CERS6: variants seen among roughly 807,000 people sequenced by gnomAD.
The protein encoded by CERS6 is ceramide synthase 6.
In CERS6, 26 loss-of-function variants were observed where a neutral mutation model predicts 56.8. That is an observed-to-expected ratio of 0.46 (90% CI 0.34 to 0.63). CERS6 has a LOEUF of 0.63. CERS6 is among the 30% of genes least tolerant of loss of function. The pLI, the probability that CERS6 is intolerant of heterozygous loss-of-function variation, is 0.01. For synonymous variants in CERS6, 164 were observed against 173.3 expected, an observed-to-expected ratio of 0.95 and a Z score of 0.42; for missense variants, 415 against 467.5, an observed-to-expected ratio of 0.89 and a Z score of 1.04.
chr2:168,561,456 A>C, intron 3 of CERS6, 134 bp downstream of exon 3: 2 of 867,524 alleles, frequency 2.3e-6, no homozygotes, highest in Admixed American at 5.6e-5. Flanking sequence ...AGTTCAGGAA[A>C]AACACAGGAA....
At position 168,772,244 on chromosome 2, in the gene CERS6, A is replaced by T. The variant is rs1684882306; in HGVS notation, c.*2582A>T. 1 of 152,430 alleles carries T rather than the reference A, an allele frequency of 6.6e-6. No individual in the cohort carries two copies. The allele number at this position is 152,430 out of a possible 1,614,324, so 9.4% of individuals were successfully genotyped here. On this transcript the variant is annotated 3_prime_UTR_variant, in exon 10 of 10. Transcript: ENST00000305747. ...TTGATATCTCCTCCTTCCTGGTCAC[A>T]TTCAAACCTTCCCAGAGTACAAAGG...
intron 7 of CERS6, 147 bp from the exon 8 acceptor site, chr2:168,717,725 A>G: frequency 3.5e-6 from 2 of 579,424 alleles, no homozygotes; most frequent in Non-Finnish European, 6.0e-6. Context: ...GATGTATGAC[A>G]TTTCAATCGC....
intron 8 of CERS6, among the ~76,000 whole-genome samples, chr2:168,752,279 ATGTGTGTGTGTGTGTGTGTGTGTG>A (rs397870530): frequency 7.5e-6 from 1 of 132,514 alleles, no homozygotes; most frequent in Non-Finnish European, 1.6e-5. Flanking sequence ...AAAAAAATAA[ATGTGTGTGTGTGTGTGTGTGTGTG>A]TGTGTGTGTG....
chr2:168,735,492 G>A (rs1683684687), intron 8 of CERS6, among the ~76,000 whole-genome samples: 1 of 152,046 alleles, frequency 6.6e-6, no homozygotes, highest in Admixed American at 6.6e-5. Context: ...ACCGTTTCAG[G>A]GCTCTATGAG....
intron 1 of CERS6, among the ~76,000 whole-genome samples, chr2:168,500,464 A>G (rs140196705): frequency 6.6e-6 from 1 of 152,324 alleles, no homozygotes; most frequent in Non-Finnish European, 1.5e-5. Flanking sequence ...GCAGATGTTT[A>G]TTGTGAATGG....
intron 2 of CERS6, among the ~76,000 whole-genome samples, chr2:168,557,006 A>G (rs1695693404): frequency 6.7e-6 from 1 of 148,784 alleles, no homozygotes; most frequent in Admixed American, 6.7e-5. Flanking sequence ...AAAAAAAAAA[A>G]AAAAAAAAAA....
chr2:168,672,394 A>G (rs1420637995), intron 4 of CERS6, among the ~76,000 whole-genome samples: 2 of 152,246 alleles, frequency 1.3e-5, no homozygotes, highest in African/African-American at 4.8e-5. Context: ...CCTAACTACA[A>G]GAATGTAAAC....
chr2:168,664,064 G>T (rs758949170), intron 4 of CERS6, among the ~76,000 whole-genome samples: 1 of 152,144 alleles, frequency 6.6e-6, no homozygotes, highest in Non-Finnish European at 1.5e-5. Context: ...ATTGTGTTTC[G>T]CCCTTCTGAA....
In CERS6 at chr2:168,770,863, G is replaced by A. The variant is rs1684845291; in HGVS notation, c.*1201G>A. ...CACTACAATGCTTCTTTGGTTTCCA[G>A]GAATTTTTTTCAAATGGGGCTGTTT... On this transcript the variant is annotated 3_prime_UTR_variant, in exon 10 of 10. Transcript: ENST00000305747. 2 of 152,082 alleles carry A rather than the reference G, an allele frequency of 1.3e-5. No homozygotes were observed. Among genetic ancestry groups the A allele is most frequent in the South Asian group, 2.1e-4 (1 of 4,830 alleles). 9.4% of individuals were successfully genotyped at this position (152,082 alleles called of 1,614,324 possible).
At chr2:168,627,318 A>G (rs1329607538) in intron 3 of CERS6, among the ~76,000 whole-genome samples, 1 of 152,212 alleles carries the variant, frequency 6.6e-6, no homozygotes, top group African/African-American at 2.4e-5. Flanking sequence ...CTAGAATTAT[A>G]CTTTTTGAAA....
intron 4 of CERS6, among the ~76,000 whole-genome samples, chr2:168,644,937 CA>C (rs1244802616): frequency 1.3e-5 from 2 of 149,884 alleles, no homozygotes; most frequent in Admixed American, 6.7e-5. Flanking sequence ...ATTAAAAATA[CA>C]AAAATTAGGC....
chr2:168,735,117 AGG>A (rs1268496869), intron 8 of CERS6, among the ~76,000 whole-genome samples: 1 of 152,214 alleles, frequency 6.6e-6, no homozygotes, highest in African/African-American at 2.4e-5. Context: ...TGTGTTCTTT[AGG>A]TTTGCAAGAC....
Position 168,456,377 on chromosome 2 carries a change from T to A in CERS6, c.-72T>A. On this transcript the variant is annotated 5_prime_UTR_variant, in exon 1 of 10. Transcript: ENST00000305747. The surrounding 1 kb of genome is among the most constrained non-coding windows in gnomAD (Gnocchi z 4.1). ...AGGCTCGGGGCCAGCCGGGCGCGCA[T>A]CCCCGGGCGCCCTGCGCGGTGGAGA... The A allele has an allele frequency of 7.9e-7, 1 of 1,264,930 alleles. No individual in the cohort carries two copies. Among genetic ancestry groups the A allele is most frequent in the Non-Finnish European group, 1.0e-6 (1 of 957,248 alleles). 78.4% of individuals were successfully genotyped at this position (1,264,930 alleles called of 1,614,324 possible).
intron 8 of CERS6, among the ~76,000 whole-genome samples, chr2:168,754,395 A>G (rs565194691): frequency 6.6e-6 from 1 of 152,328 alleles, no homozygotes; most frequent in Admixed American, 6.5e-5. Context: ...CAGATCACAG[A>G]TGAACCTATT....
intron 3 of CERS6, among the ~76,000 whole-genome samples, chr2:168,577,524 A>G (rs1683302949): frequency 6.6e-6 from 1 of 152,164 alleles, no homozygotes; most frequent in Admixed American, 6.5e-5. Flanking sequence ...GCTTGTTTGT[A>G]TACTGATGGG....
At chr2:168,746,044 C>T (rs1314130689) in intron 8 of CERS6, among the ~76,000 whole-genome samples, 1 of 152,168 alleles carries the variant, frequency 6.6e-6, no homozygotes, top group African/African-American at 2.4e-5. Flanking sequence ...CAGGAATCCC[C>T]AGATTCACGT....
At chr2:168,729,475 T>C (rs1410387953) in intron 8 of CERS6, among the ~76,000 whole-genome samples, 1 of 152,202 alleles carries the variant, frequency 6.6e-6, no homozygotes, top group Non-Finnish European at 1.5e-5. Context: ...TCCACTCCCA[T>C]CCATGCTGAG....
chr2:168,660,436 A>G (rs917439687), intron 4 of CERS6, among the ~76,000 whole-genome samples: 2 of 152,192 alleles, frequency 1.3e-5, no homozygotes, highest in African/African-American at 2.4e-5. Context: ...GTTTTCACCT[A>G]GAAGTTGTAA....
chr2:168,495,746 GTGTA>G (rs1187475394), intron 1 of CERS6, among the ~76,000 whole-genome samples: 1 of 152,188 alleles, frequency 6.6e-6, no homozygotes, highest in Non-Finnish European at 1.5e-5. Context: ...CTAGTTTCCA[GTGTA>G]TTTTCACATA....
Sources: allele counts gnomAD v4.1 joint callset (sites outside exome capture counted in the v4.1 genomes callset), GRCh38; gene constraint gnomAD v4.1.1; non-coding constraint Gnocchi (gnomAD v3.1); transcripts MANE v1.5; gene names NCBI Gene and HGNC (gene_info 2026-07-23, HGNC 2026-07-21).